The following ANGEL1 variants were observed in gnomAD, a reference collection of about 807,000 sequenced individuals.
ANGEL1 encodes angel homolog 1, also known as RNA 2',3'-cyclic phosphatase ANGEL1.
In ANGEL1, 62 loss-of-function variants were observed where a neutral mutation model predicts 76.4. That is an observed-to-expected ratio of 0.81 (90% CI 0.66 to 1.00). The LOEUF (loss-of-function observed/expected upper bound fraction) is 1.00. Ranked by LOEUF, ANGEL1 falls within the 50% of genes least tolerant of loss-of-function variation. The pLI is 0.00. For synonymous variants in ANGEL1, 340 were observed against 331.7 expected (o/e 1.03, Z -0.27); for missense variants, 737 against 836.7 (o/e 0.88, Z 1.47).
chr14:76,802,571 C>T (rs1037808861), intron 7 of ANGEL1, among the ~76,000 whole-genome samples: 1 of 152,080 alleles, frequency 6.6e-6, no homozygotes, highest in African/African-American at 2.4e-5. Context: ...GAACAGATTG[C>T]TTAATGGAAA....
At position 76,789,124 on chromosome 14, in the gene ANGEL1, TG is replaced by T; in HGVS notation, c.*103del. 1 of 1,396,410 alleles carries T rather than the reference TG, an allele frequency of 7.2e-7. No homozygotes were observed. The highest frequency in any genetic ancestry group is 9.8e-7 in the Non-Finnish European group (1 of 1,018,970). The allele number at this position is 1,396,410 out of a possible 1,614,324, so 86.5% of individuals were successfully genotyped here. A position where few individuals can be genotyped will look rare whatever the true frequency, so the allele number is the denominator to read the frequency against. On this transcript the variant is annotated 3_prime_UTR_variant, in exon 10 of 10. Coordinates refer to ENST00000251089, the MANE Select transcript of ANGEL1 (RefSeq NM_015305.4). Reference sequence around the variant, plus strand: ...GAACGAGGAGGGGGAAGGGAGGGGATGTAAGTTTCTTGGATCTAAGTTTCTA... The same window carrying T: ...GAACGAGGAGGGGGAAGGGAGGGGATTAAGTTTCTTGGATCTAAGTTTCTA...
chr14:76,797,233 C>A (rs1894606857), intron 7 of ANGEL1, among the ~76,000 whole-genome samples: 1 of 152,186 alleles, frequency 6.6e-6, no homozygotes, highest in South Asian at 2.1e-4. Context: ...TTAGGACTTT[C>A]CTGCTCTTTA....
intron 7 of ANGEL1, among the ~76,000 whole-genome samples, chr14:76,796,935 C>G (rs1894597359): frequency 6.6e-6 from 1 of 152,176 alleles, no homozygotes; most frequent in African/African-American, 2.4e-5. Context: ...GCCACACACA[C>G]ACACACACAA....
Position 76,809,281 on chromosome 14 carries a change from C to T in ANGEL1, c.427G>A (p.Glu143Lys). The change falls in exon 2 of 10, where the codon GAG becomes AAG. Residue 143 changes from glutamate to lysine, a missense_variant. By Grantham distance (56) the Glu-to-Lys change is moderately conservative (BLOSUM62 1). This residue lies in a region of ANGEL1 where 441 missense variants were observed against 449.5 expected (regional missense o/e 0.98). Transcript: ENST00000251089. ...EEPLLEVEGV[E>K]GSMWAAIPMQ... ...GGGATAGCTGCCCACATGGAGCCCT[C>T]CACCCCCTCCACCTCCAGCAGTGGC... The T allele has an allele frequency of 6.2e-7, 1 of 1,613,790 alleles. No individual in the cohort carries two copies. Among genetic ancestry groups the T allele is most frequent in the Non-Finnish European group, 8.5e-7 (1 of 1,179,792 alleles).
intron 1 of ANGEL1, chr14:76,810,202 A>G (rs1294134180): frequency 2.2e-6 from 1 of 454,740 alleles, no homozygotes; most frequent in South Asian, 1.6e-5. Flanking sequence ...CAGCAGGATC[A>G]CTTGAGGCCA....
chr14:76,794,870 TCTTAATG>T (rs1290095696), intron 7 of ANGEL1, among the ~76,000 whole-genome samples: 3 of 152,176 alleles, frequency 2.0e-5, no homozygotes, highest in Non-Finnish European at 2.9e-5. Context: ...TCCAGAATTA[TCTTAATG>T]CTTAATGCTG....
chr14:76,795,561 T>G (rs900562646), intron 7 of ANGEL1, among the ~76,000 whole-genome samples: 5 of 152,228 alleles, frequency 3.3e-5, no homozygotes, highest in Non-Finnish European at 5.9e-5. Context: ...TTGTAACAAT[T>G]TAAACAATAA....
chr14:76,811,221 C>T (rs1250353138), intron 1 of ANGEL1, among the ~76,000 whole-genome samples: 1 of 152,190 alleles, frequency 6.6e-6, no homozygotes, highest in Non-Finnish European at 1.5e-5. Context: ...CGGTCCAAAA[C>T]GTCAACAGTG....
chr14:76,799,952 G>C (rs1894712656), intron 7 of ANGEL1, among the ~76,000 whole-genome samples: 2 of 151,526 alleles, frequency 1.3e-5, no homozygotes, highest in African/African-American at 4.8e-5. Context: ...TCAAGAGCCT[G>C]TTCAGCCCTG....
chr14:76,803,311 T>C, intron 7 of ANGEL1, 60 bp downstream of exon 7: 4 of 1,361,342 alleles, frequency 2.9e-6, no homozygotes, highest in Admixed American at 1.8e-5. Context: ...ACCACATAAC[T>C]GACCAATATC....
intron 9 of ANGEL1, 66 bp from the exon 10 acceptor site, chr14:76,789,454 G>A: frequency 1.3e-6 from 2 of 1,573,906 alleles, no homozygotes; most frequent in Admixed American, 1.7e-5. Flanking sequence ...GCAGGCAGTG[G>A]CAGAGTCCTT....
At chr14:76,805,801 C>T (rs945154118) in intron 5 of ANGEL1, among the ~76,000 whole-genome samples, 2 of 152,232 alleles carry the variant, frequency 1.3e-5, no homozygotes, top group Non-Finnish European at 2.9e-5. Context: ...GCCAGACCAC[C>T]TGGTTACAAA....
chr14:76,789,245 C>T lies in ANGEL1; in HGVS notation c.1996G>A (p.Glu666Lys), dbSNP rs1566694158. 1 of 1,614,084 alleles carries T rather than the reference C, an allele frequency of 6.2e-7. No homozygotes were observed. Among genetic ancestry groups the T allele is most frequent in the African/African-American group, 1.3e-5 (1 of 74,942 alleles). Residue 666 changes from glutamate to lysine, a missense_variant, in exon 10 of 10, where the codon GAA becomes AAA. Coordinates refer to ENST00000251089, the MANE Select transcript of ANGEL1 (RefSeq NM_015305.4). ...HLCLLASFGM[E>K]VTAP ...GAGCCCTGTCATGGGGCGGTGACTTCCATCCCGAAGCTGGCTAGCAGGCAG... is the reference window on the plus strand; with the variant it reads ...GAGCCCTGTCATGGGGCGGTGACTTTCATCCCGAAGCTGGCTAGCAGGCAG...
chr14:76,804,005 C>A (rs761390671), intron 5 of ANGEL1, 93 bp from the exon 6 acceptor site: 1 of 1,612,330 alleles, frequency 6.2e-7, no homozygotes, highest in Non-Finnish European at 8.5e-7. Context: ...AATACAAACA[C>A]ATACAATCAC....
intron 9 of ANGEL1, 102 bp from the exon 10 acceptor site, chr14:76,789,490 C>T: frequency 7.2e-7 from 1 of 1,386,968 alleles, no homozygotes. Flanking sequence ...CAGGCTGCAT[C>T]CCCTTGGCTG....
intron 7 of ANGEL1, among the ~76,000 whole-genome samples, chr14:76,802,119 C>G (rs925214828): frequency 1.3e-5 from 2 of 152,156 alleles, no homozygotes; most frequent in African/African-American, 4.8e-5. Context: ...TTGTAGTGAG[C>G]CGAGATGGTG....
In ANGEL1 at chr14:76,789,444, G is replaced by A; in HGVS notation, c.1853-56C>T. 3.1e-6 allele frequency: 5 copies of A among 1,589,062 alleles called. No individual in the cohort carries two copies. In the South Asian group the frequency reaches 5.7e-5, roughly 18 times the overall value. On this transcript the variant is annotated intron_variant, in intron 9 of 9. Coordinates refer to ENST00000251089, the MANE Select transcript of ANGEL1 (RefSeq NM_015305.4). ...AAGCAGCCGCAGCCACACTGCATGG[G>A]CAGGCAGTGGCAGAGTCCTTTGGGA...
chr14:76,802,558 C>T (rs558278264), intron 7 of ANGEL1, among the ~76,000 whole-genome samples: 1 of 152,298 alleles, frequency 6.6e-6, no homozygotes, highest in East Asian at 1.9e-4. Context: ...CTCTCTACCA[C>T]TTGAACAGAT....
At chr14:76,796,017 T>A (rs1180958093) in intron 7 of ANGEL1, among the ~76,000 whole-genome samples, 2 of 152,104 alleles carry the variant, frequency 1.3e-5, no homozygotes, top group Non-Finnish European at 2.9e-5. Context: ...TCTAATTTCT[T>A]GAATTGGGTG....
Sources: allele counts gnomAD v4.1 joint callset (sites outside exome capture counted in the v4.1 genomes callset), GRCh38; gene constraint gnomAD v4.1.1; regional missense constraint gnomAD v4.1.1; transcripts MANE v1.5; gene names NCBI Gene and HGNC (gene_info 2026-07-23, HGNC 2026-07-21).